Variants in EGFR observed in about 807,000 individuals in gnomAD.
EGFR encodes epidermal growth factor receptor.
A neutral mutation model predicts 143.0 loss-of-function variants in EGFR; 58 were observed. That is an observed-to-expected ratio of 0.41 (90% CI 0.33 to 0.50). The LOEUF is 0.50. EGFR is among the 20% of genes least tolerant of loss of function. The probability of loss-of-function intolerance (pLI) is 0.39; values close to 1 mark genes in which losing one functional copy is unlikely to be tolerated. For synonymous variants in EGFR, 613 were observed against 594.4 expected, an observed-to-expected ratio of 1.03 and a Z score of -0.45; for missense variants, 1,307 against 1,579.0, an observed-to-expected ratio of 0.83 and a Z score of 2.92.
chr7:55,048,038 TG>T (rs998610970), intron 1 of EGFR, among the ~76,000 whole-genome samples: 2 of 152,188 alleles, frequency 1.3e-5, no homozygotes, highest in African/African-American at 4.8e-5. Flanking sequence ...CTACATCTTT[TG>T]TGAATATTTT....
At chr7:55,164,371 G>A (rs949808426) in intron 14 of EGFR, among the ~76,000 whole-genome samples, 13 of 152,142 alleles carry the variant, frequency 8.5e-5, no homozygotes, top group African/African-American at 2.9e-4. Flanking sequence ...TATATAGGGA[G>A]CTCTGTTTTC....
chr7:55,100,480 G>A (rs910995715), intron 1 of EGFR, among the ~76,000 whole-genome samples: 13 of 152,226 alleles, frequency 8.5e-5, no homozygotes, highest in Non-Finnish European at 5.9e-5. Context: ...GGAGGCCCTC[G>A]AGGGAGAAAT....
rs374361400 is a variant in EGFR, at chr7:55,144,635, C to T, written c.424+1147C>T. On this transcript the variant is annotated intron_variant, in intron 3 of 27. Transcript: ENST00000275493. ...CCTATAAAATTGTGTGGTTCCCCCA[C>T]ACCCCTTGCTGCTCAGAGCAGCCGC... is the stretch of plus-strand genomic sequence containing the variant. Among the ~76,000 whole-genome samples, 7 of 152,316 alleles carry T rather than the reference C, an allele frequency of 4.6e-5. No individual in the cohort carries two copies. In the East Asian group the frequency reaches 9.7e-4, roughly 21 times the overall value.
At chr7:55,055,717 C>A (rs559229087) in intron 1 of EGFR, among the ~76,000 whole-genome samples, 7 of 67,464 alleles carry the variant, frequency 1.0e-4, no homozygotes, top group African/African-American at 5.0e-4. Flanking sequence ...CACACACACA[C>A]ACACACCACA....
At chr7:55,129,381 C>T (rs1055403081) in intron 1 of EGFR, among the ~76,000 whole-genome samples, 4 of 152,224 alleles carry the variant, frequency 2.6e-5, no homozygotes, top group South Asian at 2.1e-4. Flanking sequence ...AGAAGCAATA[C>T]GTTGCATCTG....
intron 1 of EGFR, among the ~76,000 whole-genome samples, chr7:55,035,591 A>G (rs1350004313): frequency 3.3e-5 from 5 of 151,810 alleles, no homozygotes; most frequent in Non-Finnish European, 4.4e-5. Flanking sequence ...AGACTGAGAC[A>G]TAAGAATCAC....
chr7:55,057,638 C>T (rs1279210465), intron 1 of EGFR, among the ~76,000 whole-genome samples: 1 of 152,080 alleles, frequency 6.6e-6, no homozygotes, highest in Admixed American at 6.5e-5. Context: ...GTTTTACCAG[C>T]CTCTTTCCTT....
intron 1 of EGFR, among the ~76,000 whole-genome samples, chr7:55,081,366 C>A (rs1036541316): frequency 6.6e-6 from 1 of 152,182 alleles, no homozygotes; most frequent in Non-Finnish European, 1.5e-5. Flanking sequence ...TGCATCTTTT[C>A]CTAGACTGTT....
At chr7:55,034,649 A>G (rs1487404840) in intron 1 of EGFR, among the ~76,000 whole-genome samples, 4 of 152,208 alleles carry the variant, frequency 2.6e-5, no homozygotes, top group Non-Finnish European at 5.9e-5. Flanking sequence ...TGCGCCAACC[A>G]TCTGTCCTTC....
intron 15 of EGFR, chr7:55,168,598 C>G (rs2128949537): frequency 6.2e-7 from 1 of 1,607,820 alleles, no homozygotes; most frequent in Non-Finnish European, 8.5e-7. Context: ...TCAATTTCTC[C>G]CTTTGCTTCA....
chr7:55,192,816 C>A lies in EGFR; in HGVS notation c.2676C>A (p.Thr892=), dbSNP rs1022452040. The A allele has an allele frequency of 1.2e-6, 2 of 1,614,162 alleles. No homozygotes were observed. The highest frequency in any genetic ancestry group is 2.7e-5 in the African/African-American group (2 of 75,032). Reference sequence around the variant, plus strand: ...AATCAATTTTACACAGAATCTATACCCACCAGAGTGATGTCTGGAGCTACG... The same window carrying A: ...AATCAATTTTACACAGAATCTATACACACCAGAGTGATGTCTGGAGCTACG... The part of the protein sequence containing the change: ...ALESILHRIY[T]HQSDVWSYGV... The change falls in exon 22 of 28, where the codon ACC becomes ACA. Residue 892 remains threonine, a synonymous_variant. Transcript: ENST00000275493.
At chr7:55,111,369 G>GTT (rs11347888) in intron 1 of EGFR, among the ~76,000 whole-genome samples, 2 of 144,828 alleles carry the variant, frequency 1.4e-5, no homozygotes, top group Admixed American at 6.9e-5. Flanking sequence ...TAGACGTTTT[G>GTT]TTTTTTTTTT....
In EGFR at chr7:55,156,520, CTT is replaced by C. The variant is rs779622266; in HGVS notation, c.1007-12_1007-11del. 10 of 1,614,022 alleles carry C rather than the reference CTT, an allele frequency of 6.2e-6. No homozygotes were observed. Among genetic ancestry groups the C allele is most frequent in the Admixed American group, 1.7e-5 (1 of 60,014 alleles). On this transcript the variant is annotated splice_polypyrimidine_tract_variant and intron_variant, in intron 8 of 27. Transcript: ENST00000275493. ...AAATGTGAACGGAATACACGTCTCTCTTATCTCTGCAGTGTGTAACGGAATAG... is the reference window on the plus strand; with the variant it reads ...AAATGTGAACGGAATACACGTCTCTCATCTCTGCAGTGTGTAACGGAATAG...
At chr7:55,097,416 T>C (rs1448503711) in intron 1 of EGFR, among the ~76,000 whole-genome samples, 1 of 152,192 alleles carries the variant, frequency 6.6e-6, no homozygotes, top group African/African-American at 2.4e-5. Flanking sequence ...ACAATAAAAC[T>C]GTAACCAGCC....
chr7:55,183,406 C>T (rs577587671), intron 20 of EGFR, among the ~76,000 whole-genome samples: 2 of 152,110 alleles, frequency 1.3e-5, no homozygotes. Flanking sequence ...CATTTAGGAC[C>T]CACCCTAAAT....
chr7:55,132,441 G>A (rs1001407095), intron 1 of EGFR, among the ~76,000 whole-genome samples: 1 of 152,152 alleles, frequency 6.6e-6, no homozygotes, highest in African/African-American at 2.4e-5. Context: ...CCCCCAATTC[G>A]AATCCAGAGG....
chr7:55,091,881 CACACACA>C (rs1562706180), intron 1 of EGFR, among the ~76,000 whole-genome samples: 15 of 151,378 alleles, frequency 9.9e-5, no homozygotes, highest in Non-Finnish European at 1.2e-4. Flanking sequence ...CACACACACA[CACACACA>C]CACCCTGAGA....
intron 1 of EGFR, among the ~76,000 whole-genome samples, chr7:55,103,913 T>C (rs1472545771): frequency 6.6e-6 from 1 of 152,242 alleles, no homozygotes; most frequent in African/African-American, 2.4e-5. Context: ...ACTGAAACTG[T>C]TCTGAAATGA....
At position 55,200,363 on chromosome 7, in the gene EGFR, A is replaced by G. The variant is rs1383485737; in HGVS notation, c.2896A>G (p.Ile966Val). The G allele has an allele frequency of 6.2e-7, 1 of 1,614,088 alleles. No individual in the cohort carries two copies. The highest frequency in any genetic ancestry group is 8.5e-7 in the Non-Finnish European group (1 of 1,180,008). Residue 966 changes from isoleucine to valine, a missense_variant, in exon 24 of 28, where the codon ATC becomes GTC. Ile to Val is a conservative substitution (Grantham distance 29, BLOSUM62 3). Transcript: ENST00000275493. ...TCGCCCAAAGTTCCGTGAGTTGATC[A>G]TCGAATTCTCCAAAATGGCCCGAGA... ...DSRPKFRELI[I>V]EFSKMARDPQ...
Sources: gnomAD v4.1 joint callset for allele counts (sites outside exome capture counted in the v4.1 genomes callset) on GRCh38, gnomAD v4.1.1 for gene constraint, MANE v1.5 for transcripts, NCBI Gene and HGNC (gene_info 2026-07-23, HGNC 2026-07-21) for gene names.